Variants in BMP5 observed in about 807,000 individuals in gnomAD.
The protein encoded by BMP5 is bone morphogenetic protein 5.
BMP5 carries 23 observed loss-of-function variants against 46.6 expected under a neutral mutation model. The ratio of observed to expected loss-of-function variants is 0.49; its 90% confidence interval spans 0.35 to 0.70. BMP5 has a LOEUF of 0.70. BMP5 is among the 30% of genes least tolerant of loss of function. BMP5 has a pLI of 0.00. For missense variants in BMP5, 545 were observed against 565.6 expected (o/e 0.96, Z 0.37); for synonymous variants, 204 against 191.9 (o/e 1.06, Z -0.52).
At chr6:55,850,350 G>GTAGGTAGA (rs764999300) in intron 1 of BMP5, among the ~76,000 whole-genome samples, 1 of 53,718 alleles carries the variant, frequency 1.9e-5, no homozygotes, top group Non-Finnish European at 3.9e-5. Flanking sequence ...AGTTAGGTAA[G>GTAGGTAGA]TAGGTAGATA....
At chr6:55,855,114 T>A (rs938575649) in intron 1 of BMP5, among the ~76,000 whole-genome samples, 4 of 152,166 alleles carry the variant, frequency 2.6e-5, no homozygotes, top group African/African-American at 9.6e-5. Flanking sequence ...TTTACCTATT[T>A]ATGTTTCTCA....
Position 55,813,162 on chromosome 6 carries a change from ACT to A in BMP5, c.683+6491_683+6492del, listed in dbSNP as rs1776174438. Among the ~76,000 whole-genome samples the A allele has an allele frequency of 7.9e-5, 12 of 152,132 alleles. No individual in the cohort carries two copies. In the South Asian group the frequency reaches 2.5e-3, roughly 32 times the overall value. ...TTGTTTTGTTTTGTTTTGATTTTTT[ACT>A]CTCTATACCTGGCAGAAGTTGGGAA... On this transcript the variant is annotated intron_variant, in intron 2 of 6. Coordinates refer to ENST00000370830, the MANE Select transcript of BMP5 (RefSeq NM_021073.4).
intron 1 of BMP5, among the ~76,000 whole-genome samples, chr6:55,830,952 A>G (rs1413438521): frequency 1.3e-5 from 2 of 152,052 alleles, no homozygotes; most frequent in Non-Finnish European, 2.9e-5. Flanking sequence ...TCTTTCCTAC[A>G]TGAGAAGTTT....
chr6:55,873,114 C>T (rs1397036249), intron 1 of BMP5, among the ~76,000 whole-genome samples: 1 of 151,796 alleles, frequency 6.6e-6, no homozygotes, highest in African/African-American at 2.4e-5. Context: ...ATCCTTCATG[C>T]TAGGATTGCT....
intron 1 of BMP5, among the ~76,000 whole-genome samples, chr6:55,829,710 T>A (rs549329839): frequency 6.6e-6 from 1 of 151,814 alleles, no homozygotes; most frequent in East Asian, 1.9e-4. Flanking sequence ...TACATAACCA[T>A]GCAAAAAAAA....
At chr6:55,862,423 C>A (rs1777544589) in intron 1 of BMP5, among the ~76,000 whole-genome samples, 1 of 152,114 alleles carries the variant, frequency 6.6e-6, no homozygotes, top group South Asian at 2.1e-4. Flanking sequence ...AATTGTATCT[C>A]CATTGACTAT....
chr6:55,754,333 CA>C lies in BMP5; in HGVS notation c.*1199del, dbSNP rs1774525941. ...ACACATGCACACACAGACACACACACACACACACACACAACAGAACCTTCCT... is the reference window on the plus strand; with the variant it reads ...ACACATGCACACACAGACACACACACCACACACACACAACAGAACCTTCCT... On this transcript the variant is annotated 3_prime_UTR_variant, in exon 7 of 7. Coordinates refer to ENST00000370830, the MANE Select transcript of BMP5 (RefSeq NM_021073.4). The C allele has an allele frequency of 6.8e-6, 1 of 146,318 alleles. No homozygotes were observed. The highest frequency in any genetic ancestry group is 6.7e-5 in the Admixed American group (1 of 14,916). The allele number at this position is 146,318 out of a possible 1,614,324, so 9.1% of individuals were successfully genotyped here. A position where few individuals can be genotyped will look rare whatever the true frequency, so the allele number is the denominator to read the frequency against.
intron 1 of BMP5, among the ~76,000 whole-genome samples, chr6:55,866,565 G>A (rs1228252830): frequency 6.6e-6 from 1 of 151,932 alleles, no homozygotes; most frequent in Non-Finnish European, 1.5e-5. Context: ...CAATAAACAG[G>A]GATTTGAAAA....
chr6:55,777,224 T>G (rs1002195643), intron 3 of BMP5, among the ~76,000 whole-genome samples: 7 of 151,910 alleles, frequency 4.6e-5, no homozygotes, highest in African/African-American at 1.7e-4. Flanking sequence ...TGAATAGTTA[T>G]TTTAGTAGAA....
At chr6:55,794,220 G>T in intron 3 of BMP5, 59 bp downstream of exon 3, 2 of 1,580,082 alleles carry the variant, frequency 1.3e-6, no homozygotes, top group Non-Finnish European at 1.7e-6. Context: ...CATAAAAAAC[G>T]ATAACTCTCA....
chr6:55,759,172 A>AAAAAAAAAAAAAAAAAAAAAC (rs1562023483), intron 5 of BMP5, 57 bp from the exon 6 acceptor site: 14 of 738,842 alleles, frequency 1.9e-5, no homozygotes, highest in South Asian at 8.3e-5. Flanking sequence ...AAAAAAAAAA[A>AAAAAAAAAAAAAAAAAAAAAC]AAAAAAAAAA....
chr6:55,837,372 T>C (rs368028405), intron 1 of BMP5, among the ~76,000 whole-genome samples: 5 of 149,430 alleles, frequency 3.3e-5, no homozygotes, highest in African/African-American at 9.8e-5. Context: ...GATAGATAGA[T>C]AGATAGACAG....
At chr6:55,871,764 G>C (rs1214389350) in intron 1 of BMP5, among the ~76,000 whole-genome samples, 2 of 151,602 alleles carry the variant, frequency 1.3e-5, no homozygotes, top group Non-Finnish European at 3.0e-5. Flanking sequence ...TTTTTTAAAA[G>C]GATGCTACTA....
chr6:55,755,499 C>A lies in BMP5; in HGVS notation c.*34G>T. On this transcript the variant is annotated 3_prime_UTR_variant, in exon 7 of 7. Transcript: ENST00000370830. ...TTTATTGCAGCCATAAACCTTAATA[C>A]AGATCTTTTTGTTATTATCAATATT... is the stretch of plus-strand genomic sequence containing the variant. The A allele has an allele frequency of 6.3e-7, 1 of 1,580,894 alleles. No homozygotes were observed.
At chr6:55,821,442 C>T (rs1467570816) in intron 1 of BMP5, among the ~76,000 whole-genome samples, 2 of 152,048 alleles carry the variant, frequency 1.3e-5, no homozygotes, top group East Asian at 3.8e-4. Flanking sequence ...CCATAGCCTC[C>T]CAAGTAGCTG....
At position 55,875,245 on chromosome 6, in the gene BMP5, G is replaced by A; in HGVS notation, c.-380C>T. On this transcript the variant is annotated 5_prime_UTR_variant, in exon 1 of 7. Coordinates refer to ENST00000370830, the MANE Select transcript of BMP5 (RefSeq NM_021073.4). ...TTGAATTAGCAAAAGTTGATCTTCT[G>A]ATAAACTGTAGTTCCCAAAGTAATC... The A allele has an allele frequency of 4.4e-6, 1 of 225,618 alleles. No individual in the cohort carries two copies. Among genetic ancestry groups the A allele is most frequent in the Non-Finnish European group, 8.9e-6 (1 of 112,812 alleles). The allele number at this position is 225,618 out of a possible 1,614,324, so 14.0% of individuals were successfully genotyped here. A position where few individuals can be genotyped will look rare whatever the true frequency, so the allele number is the denominator to read the frequency against.
At chr6:55,849,850 C>T (rs1258056285) in intron 1 of BMP5, among the ~76,000 whole-genome samples, 4 of 152,064 alleles carry the variant, frequency 2.6e-5, no homozygotes, top group Non-Finnish European at 5.9e-5. Context: ...CTAGATTTCT[C>T]TGATCAACAT....
chr6:55,845,419 G>C (rs951707474), intron 1 of BMP5, among the ~76,000 whole-genome samples: 1 of 151,846 alleles, frequency 6.6e-6, no homozygotes, highest in African/African-American at 2.4e-5. Context: ...AAATGATCTG[G>C]ATGCTTTGAT....
At chr6:55,806,133 A>G (rs1193183097) in intron 2 of BMP5, among the ~76,000 whole-genome samples, 5 of 152,162 alleles carry the variant, frequency 3.3e-5, no homozygotes, top group African/African-American at 1.2e-4. Flanking sequence ...TTCATCATAA[A>G]GTATTTGCCC....
Sources: allele counts gnomAD v4.1 joint callset (sites outside exome capture counted in the v4.1 genomes callset), GRCh38; gene constraint gnomAD v4.1.1; transcripts MANE v1.5; gene names NCBI Gene and HGNC (gene_info 2026-07-23, HGNC 2026-07-21).